Variants in GRID2 observed in about 807,000 individuals in gnomAD.
The protein encoded by GRID2 is glutamate ionotropic receptor delta type subunit 2, also known as glutamate receptor ionotropic, delta-2.
A neutral mutation model predicts 114.8 loss-of-function variants in GRID2; 33 were observed. The observed-to-expected ratio is 0.29, with a 90% CI of 0.22 to 0.38. GRID2 has a LOEUF of 0.38. Among genes scored for constraint, GRID2 ranks in the 10% least tolerant of loss-of-function variants. GRID2 has a pLI of 1.00. For missense variants in GRID2, 1,184 were observed against 1,257.7 expected (o/e 0.94, Z 0.89); for synonymous variants, 505 against 449.9 (o/e 1.12, Z -1.55).
chr4:93,398,149 A>C (rs186300719), intron 9 of GRID2, among the ~76,000 whole-genome samples: 5,547 of 145,366 alleles, frequency 0.038, 280 homozygotes, highest in Middle Eastern at 0.069. Flanking sequence ...ATATATATAT[A>C]TATCTTATCA....
At chr4:93,527,569 C>A (rs1404941961) in intron 13 of GRID2, among the ~76,000 whole-genome samples, 1 of 146,980 alleles carries the variant, frequency 6.8e-6, no homozygotes, top group African/African-American at 2.5e-5. Flanking sequence ...AAAGATAAAG[C>A]TTCTCTTTTT....
intron 2 of GRID2, among the ~76,000 whole-genome samples, chr4:92,916,216 C>A (rs1489152998): frequency 6.6e-6 from 1 of 151,978 alleles, no homozygotes; most frequent in African/African-American, 2.4e-5. Context: ...ACATTTAAGA[C>A]TTTAATACAT....
intron 4 of GRID2, among the ~76,000 whole-genome samples, chr4:93,111,348 T>A (rs549899993): frequency 6.6e-6 from 1 of 152,290 alleles, no homozygotes; most frequent in South Asian, 2.1e-4. Flanking sequence ...AATCAGGACA[T>A]TATTGCCTAA....
chr4:93,454,508 T>A (rs2149410067), intron 10 of GRID2, among the ~76,000 whole-genome samples: 1 of 151,902 alleles, frequency 6.6e-6, no homozygotes, highest in Non-Finnish European at 1.5e-5. Context: ...TAAAAAAAAA[T>A]ACTTAAATAC....
At chr4:92,598,235 C>T (rs1384504562) in intron 2 of GRID2, among the ~76,000 whole-genome samples, 1 of 152,070 alleles carries the variant, frequency 6.6e-6, no homozygotes, top group East Asian at 1.9e-4. Context: ...CCGCCAGTAC[C>T]TTTTGGGTGC....
At chr4:93,419,074 C>CTTTTTT (rs58832079) in intron 9 of GRID2, among the ~76,000 whole-genome samples, 11 of 109,526 alleles carry the variant, frequency 1.0e-4, no homozygotes, top group African/African-American at 2.5e-4. Context: ...CATGATTTTC[C>CTTTTTT]TTTTTTTTTT....
intron 14 of GRID2, among the ~76,000 whole-genome samples, chr4:93,763,751 G>A (rs773442361): frequency 3.9e-5 from 6 of 152,122 alleles, no homozygotes; most frequent in Non-Finnish European, 8.8e-5. Context: ...ATTACTTAGC[G>A]TCTTCATCCA....
intron 13 of GRID2, among the ~76,000 whole-genome samples, chr4:93,617,047 A>C (rs185200132): frequency 1.5e-3 from 235 of 152,292 alleles, no homozygotes; most frequent in African/African-American, 5.0e-3. Context: ...CCATTTTTAA[A>C]ATAAAAGTAC....
At chr4:92,545,888 A>T (rs1726229855) in intron 1 of GRID2, among the ~76,000 whole-genome samples, 1 of 152,200 alleles carries the variant, frequency 6.6e-6, no homozygotes, top group Non-Finnish European at 1.5e-5. Flanking sequence ...CATAAAATAT[A>T]AATCTCCAAA....
At chr4:92,966,764 C>T (rs1753184055) in intron 2 of GRID2, among the ~76,000 whole-genome samples, 1 of 151,900 alleles carries the variant, frequency 6.6e-6, no homozygotes, top group East Asian at 1.9e-4. Flanking sequence ...TCTTTTTCTG[C>T]ATAAATTACT....
chr4:93,028,774 A>G (rs558449372), intron 2 of GRID2, among the ~76,000 whole-genome samples: 4 of 152,128 alleles, frequency 2.6e-5, no homozygotes, highest in African/African-American at 9.6e-5. Flanking sequence ...GGCCTAGAAA[A>G]TTAGGCCTAG....
intron 11 of GRID2, among the ~76,000 whole-genome samples, chr4:93,467,707 G>A (rs772765673): frequency 2.0e-5 from 3 of 152,128 alleles, no homozygotes; most frequent in Non-Finnish European, 4.4e-5. Context: ...CTCTAGAAAT[G>A]CATTGCCTGC....
chr4:93,492,331 A>G (rs1315550910), intron 12 of GRID2, among the ~76,000 whole-genome samples: 5 of 151,900 alleles, frequency 3.3e-5, no homozygotes, highest in Admixed American at 2.6e-4. Context: ...TGACAAAACT[A>G]AAGTTGAGAG....
In GRID2 at chr4:92,611,066, G is replaced by GC. The variant is rs1560487987; in HGVS notation, c.244+20780_244+20781insC. On this transcript the variant is annotated intron_variant, in intron 2 of 15. Transcript: ENST00000282020. ...TGTAGCTGTATATATATATGTGTGTGTGTATATATATATGTGTGTATATAT... is the reference window on the plus strand; with the variant it reads ...TGTAGCTGTATATATATATGTGTGTGCTGTATATATATATGTGTGTATATAT... 1.3e-3 allele frequency among the ~76,000 whole-genome samples: 179 copies of GC among 136,510 alleles called. 1 individual carries two copies. The highest frequency in any genetic ancestry group is 1.2e-3 in the Non-Finnish European group (73 of 59,626). 89.6% of individuals were successfully genotyped at this position (136,510 alleles called of 152,430 possible). A position where few individuals can be genotyped will look rare whatever the true frequency, so the allele number is the denominator to read the frequency against.
chr4:93,662,657 T>C (rs1723600147), intron 14 of GRID2, among the ~76,000 whole-genome samples: 1 of 152,168 alleles, frequency 6.6e-6, no homozygotes, highest in South Asian at 2.1e-4. Flanking sequence ...AGATGAGTGG[T>C]GAATCTCTTC....
intron 2 of GRID2, among the ~76,000 whole-genome samples, chr4:92,640,873 A>C (rs995937497): frequency 2.0e-5 from 3 of 151,900 alleles, no homozygotes; most frequent in Non-Finnish European, 2.9e-5. Flanking sequence ...AAATATTTAC[A>C]CATTACATGA....
intron 1 of GRID2, among the ~76,000 whole-genome samples, chr4:92,388,665 T>C (rs768876758): frequency 6.6e-6 from 1 of 152,000 alleles, no homozygotes; most frequent in Non-Finnish European, 1.5e-5. Context: ...CACTAAATAT[T>C]GAGAACTCCC....
At chr4:92,327,734 G>A (rs959520516) in intron 1 of GRID2, among the ~76,000 whole-genome samples, 1 of 151,878 alleles carries the variant, frequency 6.6e-6, no homozygotes, top group African/African-American at 2.4e-5. Flanking sequence ...GTTTCAATGT[G>A]TTTCTTCCTG....
At chr4:93,729,280 A>C (rs1331723233) in intron 14 of GRID2, among the ~76,000 whole-genome samples, 1 of 152,146 alleles carries the variant, frequency 6.6e-6, no homozygotes, top group African/African-American at 2.4e-5. Context: ...CGCTGAATAA[A>C]ATATCAAGTT....
Sources: allele counts gnomAD v4.1 joint callset (sites outside exome capture counted in the v4.1 genomes callset), GRCh38; gene constraint gnomAD v4.1.1; transcripts MANE v1.5; gene names NCBI Gene and HGNC (gene_info 2026-07-23, HGNC 2026-07-21).